FOXR1: variants seen among roughly 807,000 people sequenced by gnomAD.
The protein encoded by FOXR1 is forkhead box R1.
FOXR1 carries 25 observed loss-of-function variants against 34.5 expected under a neutral mutation model. The observed-to-expected ratio is 0.72, with a 90% CI of 0.53 to 1.01. The LOEUF is 1.01. Among genes scored for constraint, FOXR1 ranks in the 50% least tolerant of loss-of-function variants. The pLI is 0.00. For synonymous variants in FOXR1, 153 were observed against 141.6 expected (o/e 1.08, Z -0.57); for missense variants, 373 against 376.2 (o/e 0.99, Z 0.07).
At chr11:118,973,989 C>T (rs766909347) in intron 1 of FOXR1, among the ~76,000 whole-genome samples, 28 of 152,106 alleles carry the variant, frequency 1.8e-4, no homozygotes, top group Admixed American at 6.6e-4. Context: ...TGAGCCACCG[C>T]GCCAGGCCAC....
chr11:118,973,769 C>G (rs1941745409), intron 1 of FOXR1, among the ~76,000 whole-genome samples: 1 of 149,356 alleles, frequency 6.7e-6, no homozygotes, highest in Admixed American at 6.8e-5. Flanking sequence ...TCTCAGTTCA[C>G]TGCACCCTCT....
At chr11:118,981,105 C>A in intron 5 of FOXR1, 103 bp from the exon 6 acceptor site, 1 of 1,146,022 alleles carries the variant, frequency 8.7e-7, no homozygotes, top group Non-Finnish European at 1.3e-6. Context: ...AGCATTTGAG[C>A]CTTGAGTGAA....
At chr11:118,976,647 C>G (rs972098881) in intron 1 of FOXR1, among the ~76,000 whole-genome samples, 1 of 152,140 alleles carries the variant, frequency 6.6e-6, no homozygotes, top group South Asian at 2.1e-4. Context: ...ACAGTAAGGT[C>G]GAGTAAATTG....
chr11:118,975,419 T>TC (rs1941768093), intron 1 of FOXR1, among the ~76,000 whole-genome samples: 2 of 151,278 alleles, frequency 1.3e-5, no homozygotes, highest in African/African-American at 4.9e-5. Context: ...TTTTCTTTCT[T>TC]CTTTTTTTTT....
chr11:118,971,852 C>T lies in FOXR1; in HGVS notation c.-80C>T. The T allele has an allele frequency of 6.7e-7, 1 of 1,486,622 alleles. No homozygotes were observed. The highest frequency in any genetic ancestry group is 1.4e-5 in the African/African-American group (1 of 71,842). The allele number at this position is 1,486,622 out of a possible 1,614,324, so 92.1% of individuals were successfully genotyped here. ...CGCGCCGCCGCGCCTCTGCCAGCCC[C>T]GAAGGTGGACGTGAAGCTCCAACAC... On this transcript the variant is annotated 5_prime_UTR_variant, in exon 1 of 6. Coordinates refer to ENST00000317011, the MANE Select transcript of FOXR1 (RefSeq NM_181721.3).
At position 118,979,140 on chromosome 11, in the gene FOXR1, C is replaced by A; in HGVS notation, c.320C>A (p.Ser107Tyr). 1 of 1,589,688 alleles carries A rather than the reference C, an allele frequency of 6.3e-7. No homozygotes were observed. The highest frequency in any genetic ancestry group is 8.6e-7 in the Non-Finnish European group (1 of 1,169,434). Residue 107 changes from serine (S) to tyrosine (Y), a missense_variant, in exon 3 of 6, where the codon TCC (serine) becomes TAC (tyrosine). Coordinates refer to ENST00000317011, the MANE Select transcript of FOXR1 (RefSeq NM_181721.3). ...CSEAAGVESL[S>Y]QSSSKRSPPR... ...GAGGCCGCAGGGGTGGAATCACTGT[C>A]CCAGTCCTCCAGCAAGCGGTCTCCC...
Position 118,976,137 on chromosome 11 carries a change from G to T in FOXR1, c.62-2645G>T, listed in dbSNP as rs116195865. Among the ~76,000 whole-genome samples, 1,195 of 152,344 alleles carry T rather than the reference G, an allele frequency of 7.8e-3. 15 individuals are homozygous for T. Among genetic ancestry groups the T allele is most frequent in the African/African-American group, 0.027 (1,116 of 41,576 alleles). ...TTGTTGGTTTAGGTTATGCCTGAGG[G>T]AGTGTCCACAGTAGAGTAGAAGTCA... On this transcript the variant is annotated intron_variant, in intron 1 of 5. Coordinates refer to ENST00000317011, the MANE Select transcript of FOXR1 (RefSeq NM_181721.3).
chr11:118,972,839 G>A (rs920216912), intron 1 of FOXR1, among the ~76,000 whole-genome samples: 30 of 151,882 alleles, frequency 2.0e-4, no homozygotes, highest in African/African-American at 6.8e-4. Flanking sequence ...GTCCATGTCG[G>A]CCTCCCAAAA....
rs1316327759 is a variant in FOXR1 at position 118,980,675 on chromosome 11, G to A, written c.797G>A (p.Arg266His). The change falls in exon 5 of 6, where the codon CGC becomes CAC. Residue 266 changes from arginine (R) to histidine (H), a missense_variant. Physicochemically the swap from Arg to His is conservative, Grantham distance 29. Coordinates refer to ENST00000317011, the MANE Select transcript of FOXR1 (RefSeq NM_181721.3). ...EGHRRFAEEA[R>H]ALASTRLESI... is the part of the protein sequence containing the mutation. ...CACCGCCGCTTTGCGGAGGAGGCCC[G>A]CGCCTTGGCTTCCACTCGGCTAGAA... 3.1e-6 allele frequency: 5 copies of A among 1,613,876 alleles called. No individual in the cohort carries two copies. The highest frequency in any genetic ancestry group is 4.2e-6 in the Non-Finnish European group (5 of 1,180,042).
chr11:118,974,609 T>A (rs1326874570), intron 1 of FOXR1, among the ~76,000 whole-genome samples: 2 of 152,190 alleles, frequency 1.3e-5, no homozygotes, highest in Non-Finnish European at 2.9e-5. Flanking sequence ...CATGTTTTCT[T>A]TACTGGACCC....
At chr11:118,976,068 G>A (rs1036478819) in intron 1 of FOXR1, among the ~76,000 whole-genome samples, 1 of 152,248 alleles carries the variant, frequency 6.6e-6, no homozygotes, top group Non-Finnish European at 1.5e-5. Flanking sequence ...ACGAGGTGGT[G>A]CGTTTTTATG....
At chr11:118,981,037 G>A (rs1384538707) in intron 5 of FOXR1, among the ~76,000 whole-genome samples, 171 bp from the exon 6 acceptor site, 1 of 152,194 alleles carries the variant, frequency 6.6e-6, no homozygotes, top group Non-Finnish European at 1.5e-5. Context: ...TAGAGGTTAT[G>A]TACAAAGAGT....
intron 1 of FOXR1, among the ~76,000 whole-genome samples, chr11:118,977,577 A>G (rs2134483728): frequency 6.6e-6 from 1 of 152,096 alleles, no homozygotes; most frequent in South Asian, 2.1e-4. Context: ...CAATTTTTCT[A>G]TCTTTTGCTA....
Position 118,980,429 on chromosome 11 carries a change from C to T in FOXR1, c.612-61C>T. ...CCCTGGCCCCTGGGTAGAACATGCC[C>T]CAGAGAAGGGCATTCCCCAGACATA... On this transcript the variant is annotated intron_variant, in intron 4 of 5. Transcript: ENST00000317011. 1.7e-5 allele frequency: 27 copies of T among 1,579,008 alleles called. 1 individual carries two copies. The highest frequency in any genetic ancestry group is 2.3e-5 in the Non-Finnish European group (27 of 1,149,832).
Position 118,980,482 on chromosome 11 carries a change from G to A in FOXR1, c.612-8G>A. ...ATGCCTTTCCTTACCTCTCCTCCCT[G>A]TCCATAGAAAGCACTTCCCCTTTTT... is the stretch of plus-strand genomic sequence containing the variant. On this transcript the variant is annotated splice_polypyrimidine_tract_variant and splice_region_variant and intron_variant, in intron 4 of 5. Transcript: ENST00000317011. The A allele has an allele frequency of 3.7e-6, 6 of 1,613,934 alleles. No homozygotes were observed. Among genetic ancestry groups the A allele is most frequent in the Non-Finnish European group, 5.1e-6 (6 of 1,179,812 alleles).
At chr11:118,980,339 CTCAG>C in intron 4 of FOXR1, 147 bp from the exon 5 acceptor site, 1 of 863,802 alleles carries the variant, frequency 1.2e-6, no homozygotes, top group Non-Finnish European at 1.9e-6. Flanking sequence ...TTGCCACGTG[CTCAG>C]TTAGCAAAGA....
chr11:118,972,456 T>G (rs1161433974), intron 1 of FOXR1, among the ~76,000 whole-genome samples: 1 of 152,076 alleles, frequency 6.6e-6, no homozygotes, highest in Non-Finnish European at 1.5e-5. Context: ...ACATATTGCC[T>G]GACACCTACA....
rs1490536780 is a variant in FOXR1, at chr11:118,972,015, T to TG, written c.61+29dup. ...AACGTGAGTAGCGGGTGGGGTGAGG[T>TG]GGGGGGCTGGGCGTGGCGGAGGGTG... On this transcript the variant is annotated intron_variant, in intron 1 of 5. Transcript: ENST00000317011. The TG allele has an allele frequency of 5.0e-6, 6 of 1,204,584 alleles. No homozygotes were observed. In the Admixed American group the frequency reaches 7.6e-5, roughly 15 times the overall value. The allele number at this position is 1,204,584 out of a possible 1,614,324, so 74.6% of individuals were successfully genotyped here.
At chr11:118,976,432 G>C (rs912328912) in intron 1 of FOXR1, among the ~76,000 whole-genome samples, 3 of 152,158 alleles carry the variant, frequency 2.0e-5, no homozygotes, top group Non-Finnish European at 2.9e-5. Flanking sequence ...AAACTCCTGG[G>C]CCCAAGCAAT....
Sources: gnomAD v4.1 joint callset for allele counts (sites outside exome capture counted in the v4.1 genomes callset) on GRCh38, gnomAD v4.1.1 for gene constraint, MANE v1.5 for transcripts, NCBI Gene and HGNC (gene_info 2026-07-23, HGNC 2026-07-21) for gene names.